The following UBE2L3 variants were observed in gnomAD, a reference collection of about 807,000 sequenced individuals.
UBE2L3 encodes ubiquitin conjugating enzyme E2 L3, also known as ubiquitin-conjugating enzyme E2 L3.
Under a neutral mutation model 17.8 loss-of-function variants are expected in UBE2L3, and 1 was observed. The ratio of observed to expected loss-of-function variants is 0.06; its 90% CI spans 0.02 to 0.27. The LOEUF is 0.27. Ranked by LOEUF, UBE2L3 falls within the 10% of genes least tolerant of loss-of-function variation. The pLI is 1.00. For missense variants in UBE2L3, 40 were observed against 192.6 expected (o/e 0.21, Z 4.69); for synonymous variants, 44 against 68.5 (o/e 0.64, Z 1.76).
Position 21,567,783 on chromosome 22 carries a change from T to G in UBE2L3, c.27+12T>G. 6.3e-7 allele frequency: 1 copy of G among 1,579,400 alleles called. No individual in the cohort carries two copies. Among genetic ancestry groups the G allele is most frequent in the Non-Finnish European group, 8.6e-7 (1 of 1,163,958 alleles). On this transcript the variant is annotated intron_variant, in intron 1 of 3. Coordinates refer to ENST00000342192, the MANE Select transcript of UBE2L3 (RefSeq NM_003347.4). ...GGAGGCTGATGAAGGTAAAAGCCAT[T>G]CTCTGGCAGCGGCCGGGCGTGGGGC... is the stretch of plus-strand genomic sequence containing the variant.
intron 1 of UBE2L3, among the ~76,000 whole-genome samples, chr22:21,581,928 A>G (rs534076657): frequency 3.3e-5 from 5 of 151,136 alleles, no homozygotes; most frequent in Admixed American, 6.6e-5. Context: ...CCTGGCCAAC[A>G]TGGCAAAACC....
chr22:21,585,167 A>C (rs1254582634), intron 1 of UBE2L3, among the ~76,000 whole-genome samples: 4 of 152,136 alleles, frequency 2.6e-5, no homozygotes, highest in Non-Finnish European at 5.9e-5. Context: ...GTGGTCTTCT[A>C]AAGTATGGTG....
rs560543892 is a variant in UBE2L3, at chr22:21,605,651, A to G, written c.124-5206A>G. Among the ~76,000 whole-genome samples the G allele has an allele frequency of 7.2e-5, 11 of 152,024 alleles. No homozygotes were observed. The East Asian group carries it at 2.1e-3, about 30-fold the overall frequency. On this transcript the variant is annotated intron_variant, in intron 2 of 3. Coordinates refer to ENST00000342192, the MANE Select transcript of UBE2L3 (RefSeq NM_003347.4). The stretch of plus-strand genomic sequence containing the variant: ...CTCCCAAGTAGCTGGGATTACAGGC[A>G]TGTGCCACCACGCCTGGCTAATTTT...
intron 1 of UBE2L3, among the ~76,000 whole-genome samples, chr22:21,556,962 G>A (rs1926252813): frequency 6.6e-6 from 1 of 152,210 alleles, no homozygotes; most frequent in Non-Finnish European, 1.5e-5. Flanking sequence ...GCTGAGGCAG[G>A]AGAATTGCTT....
intron 1 of UBE2L3, among the ~76,000 whole-genome samples, chr22:21,562,202 T>C: frequency 6.7e-6 from 1 of 148,790 alleles, no homozygotes; most frequent in African/African-American, 2.5e-5. Flanking sequence ...TTTTTTCTTT[T>C]TTTTTTTTTT....
intron 1 of UBE2L3, among the ~76,000 whole-genome samples, chr22:21,554,310 G>A (rs1270794033): frequency 6.7e-5 from 3 of 44,968 alleles, no homozygotes; most frequent in African/African-American, 9.6e-5. Context: ...CAGCCTGGGC[G>A]ACAGAGCAAG....
intron 3 of UBE2L3, among the ~76,000 whole-genome samples, chr22:21,617,641 G>A (rs1232542577): frequency 6.6e-6 from 1 of 152,122 alleles, no homozygotes; most frequent in Admixed American, 6.6e-5. Flanking sequence ...TCATGGAAGA[G>A]ACCAAGAACC....
At chr22:21,604,749 G>C (rs4821108) in intron 2 of UBE2L3, among the ~76,000 whole-genome samples, 33,160 of 151,912 alleles carry the variant, frequency 0.22, 4,414 homozygotes, top group East Asian at 0.51. Context: ...ATTTTTGCAT[G>C]CCTCTTTCAC....
At chr22:21,567,952 G>C (rs1403027033) in intron 1 of UBE2L3, 181 bp downstream of exon 1, 14 of 1,394,898 alleles carry the variant, frequency 1.0e-5, no homozygotes, top group Non-Finnish European at 1.3e-5. Flanking sequence ...GCCGCAGCCT[G>C]GGCGGGAGCG....
At chr22:21,565,415 C>T (rs1926592727), upstream of UBE2L3, among the ~76,000 whole-genome samples, 1 of 151,654 alleles carries the variant, frequency 6.6e-6, no homozygotes, top group South Asian at 2.1e-4. Context: ...TTTCCAGTTC[C>T]CTTTCCTTCT....
intron 2 of UBE2L3, among the ~76,000 whole-genome samples, chr22:21,599,340 G>A (rs1226812222): frequency 6.6e-6 from 1 of 152,106 alleles, no homozygotes; most frequent in East Asian, 1.9e-4. Flanking sequence ...AGCTGTAATG[G>A]TTGAGACCAA....
chr22:21,564,499 T>C (rs571918189), upstream of UBE2L3, among the ~76,000 whole-genome samples: 2 of 152,288 alleles, frequency 1.3e-5, no homozygotes, highest in Non-Finnish European at 2.9e-5. Flanking sequence ...GCCCTTCCAC[T>C]GGGACTGGGT....
chr22:21,568,602 A>G (rs768022141), intron 1 of UBE2L3, among the ~76,000 whole-genome samples: 1 of 152,056 alleles, frequency 6.6e-6, no homozygotes, highest in Non-Finnish European at 1.5e-5. Flanking sequence ...GCTAATTGGC[A>G]CCTTTTGGTG....
At chr22:21,619,195 CTG>C (rs1222685951) in intron 3 of UBE2L3, among the ~76,000 whole-genome samples, 3 of 152,170 alleles carry the variant, frequency 2.0e-5, no homozygotes. Context: ...CTGAAATACA[CTG>C]TGGCCAGTCA....
At chr22:21,570,353 C>T (rs1381066674) in intron 1 of UBE2L3, among the ~76,000 whole-genome samples, 1 of 152,104 alleles carries the variant, frequency 6.6e-6, no homozygotes, top group East Asian at 1.9e-4. Context: ...GTAACATTAA[C>T]TGAGTATTTA....
intron 1 of UBE2L3, among the ~76,000 whole-genome samples, chr22:21,561,573 C>T (rs1926432807): frequency 2.0e-5 from 3 of 152,316 alleles, no homozygotes; most frequent in Admixed American, 1.3e-4. Flanking sequence ...CAGAGCCAGA[C>T]CCTATCTCAA....
chr22:21,568,161 G>A (rs576948134), intron 1 of UBE2L3: 4 of 1,012,690 alleles, frequency 3.9e-6, no homozygotes, highest in South Asian at 4.5e-5. Flanking sequence ...GCCCCTGCCC[G>A]GAGCCCGCGC....
chr22:21,575,007 A>C (rs192319275), intron 1 of UBE2L3, among the ~76,000 whole-genome samples: 195 of 152,046 alleles, frequency 1.3e-3, no homozygotes, highest in African/African-American at 4.4e-3. Flanking sequence ...CTGTAATCCC[A>C]GCACTTTGGG....
At chr22:21,568,220 G>A in intron 1 of UBE2L3, 2 of 989,664 alleles carry the variant, frequency 2.0e-6, no homozygotes, top group South Asian at 9.4e-5. Context: ...TTGCAGCTCC[G>A]CTTGGCCCGG....
Sources: allele counts gnomAD v4.1 joint callset (sites outside exome capture counted in the v4.1 genomes callset), GRCh38; gene constraint gnomAD v4.1.1; transcripts MANE v1.5; gene names NCBI Gene and HGNC (gene_info 2026-07-23, HGNC 2026-07-21).